Variants in PITPNM3 observed in about 807,000 individuals in gnomAD.
The protein encoded by PITPNM3 is PITPNM family member 3.
A neutral mutation model predicts 102.0 loss-of-function variants in PITPNM3; 26 were observed. The ratio of observed to expected loss-of-function variants is 0.25; its 90% CI spans 0.19 to 0.35. PITPNM3 has a LOEUF of 0.35. Among genes scored for constraint, PITPNM3 ranks in the 10% least tolerant of loss-of-function variants. PITPNM3 has a pLI of 1.00. For synonymous variants in PITPNM3, 578 were observed against 558.6 expected, an observed-to-expected ratio of 1.03 and a Z score of -0.49; for missense variants, 1,083 against 1,346.1, an observed-to-expected ratio of 0.80 and a Z score of 3.06.
intron 1 of PITPNM3, among the ~76,000 whole-genome samples, chr17:6,553,957 G>A (rs1370602969): frequency 6.6e-6 from 1 of 152,118 alleles, no homozygotes; most frequent in Non-Finnish European, 1.5e-5. Context: ...TTGCCAATGA[G>A]GAATATGTGA....
At chr17:6,456,588 T>C (rs1038084404) in intron 19 of PITPNM3, among the ~76,000 whole-genome samples, 11 of 152,132 alleles carry the variant, frequency 7.2e-5, no homozygotes, top group African/African-American at 2.4e-4. Context: ...AGAATATGCA[T>C]GTCAACAAGA....
intron 14 of PITPNM3, among the ~76,000 whole-genome samples, chr17:6,467,080 C>CAAAAAAAA (rs752960279): frequency 3.1e-4 from 19 of 60,990 alleles, no homozygotes; most frequent in East Asian, 1.1e-3. Flanking sequence ...AAAAAAAAAA[C>CAAAAAAAA]CAAAAAAAAA....
intron 1 of PITPNM3, among the ~76,000 whole-genome samples, chr17:6,551,862 T>C (rs1910326322): frequency 6.6e-6 from 1 of 152,086 alleles, no homozygotes; most frequent in Non-Finnish European, 1.5e-5. Flanking sequence ...AAGTCTCGCT[T>C]TGGGAGGATG....
At chr17:6,544,713 T>C (rs2150674004) in intron 1 of PITPNM3, among the ~76,000 whole-genome samples, 1 of 149,660 alleles carries the variant, frequency 6.7e-6, no homozygotes, top group Non-Finnish European at 1.5e-5. Flanking sequence ...AACAGCAGGT[T>C]CTACAAGCAC....
chr17:6,484,711 C>T (rs541668414), intron 4 of PITPNM3, among the ~76,000 whole-genome samples: 1 of 152,178 alleles, frequency 6.6e-6, no homozygotes, highest in African/African-American at 2.4e-5. Context: ...TACGCACCCA[C>T]TCTTGACTGG....
At chr17:6,529,608 T>A (rs1440749371) in intron 2 of PITPNM3, among the ~76,000 whole-genome samples, 1 of 144,236 alleles carries the variant, frequency 6.9e-6, no homozygotes, top group African/African-American at 2.6e-5. Context: ...AAAAAAAAAA[T>A]CTCCTTGTCT....
chr17:6,553,190 C>T (rs1910411143), intron 1 of PITPNM3, among the ~76,000 whole-genome samples: 1 of 152,132 alleles, frequency 6.6e-6, no homozygotes, highest in Non-Finnish European at 1.5e-5. Flanking sequence ...GAGCTCTGTA[C>T]TGTAAATTGT....
rs78170758 is a variant in PITPNM3, at chr17:6,552,375, G to A, written c.22+4010C>T. Among the ~76,000 whole-genome samples, 591 of 152,220 alleles carry A rather than the reference G, an allele frequency of 3.9e-3. 8 individuals are homozygous for A. The highest frequency in any genetic ancestry group is 0.014 in the African/African-American group (564 of 41,544). On this transcript the variant is annotated intron_variant, in intron 1 of 19. Coordinates refer to ENST00000262483, the MANE Select transcript of PITPNM3 (RefSeq NM_031220.4). ...CAGCCTGTTGGGGTGCAGAGGGAGG[G>A]GCACAGGGAGGTAGACAGGAAGGGA...
At chr17:6,542,547 A>C (rs535101417) in intron 1 of PITPNM3, among the ~76,000 whole-genome samples, 16 of 152,356 alleles carry the variant, frequency 1.1e-4, no homozygotes, top group African/African-American at 3.8e-4. Context: ...ATCTGGGTGC[A>C]GTGTTACCAG....
intron 2 of PITPNM3, among the ~76,000 whole-genome samples, chr17:6,532,692 C>A (rs1286630271): frequency 6.6e-6 from 1 of 152,124 alleles, no homozygotes; most frequent in Non-Finnish European, 1.5e-5. Flanking sequence ...AACTGTACCA[C>A]AATTTGTTCA....
At position 6,453,085 on chromosome 17, in the gene PITPNM3, T is replaced by TC. The variant is rs1567655146; in HGVS notation, c.*2252dup. ...CTTCCTCTCTCTGTCTTCCTTTCTT[T>TC]CCTCTGTCTTCCTTTCTTTCTCTCT... On this transcript the variant is annotated 3_prime_UTR_variant, in exon 20 of 20. Transcript: ENST00000262483. The TC allele has an allele frequency of 6.7e-6, 1 of 149,906 alleles. No homozygotes were observed. Among genetic ancestry groups the TC allele is most frequent in the African/African-American group, 2.5e-5 (1 of 40,660 alleles). 9.3% of individuals were successfully genotyped at this position (149,906 alleles called of 1,614,324 possible).
At chr17:6,504,017 C>G (rs925469060) in intron 3 of PITPNM3, among the ~76,000 whole-genome samples, 2 of 152,174 alleles carry the variant, frequency 1.3e-5, no homozygotes, top group African/African-American at 2.4e-5. Context: ...CCCACTGCCC[C>G]CCAGACGTCT....
At chr17:6,483,049 A>T (rs936717968) in intron 6 of PITPNM3, among the ~76,000 whole-genome samples, 1 of 151,076 alleles carries the variant, frequency 6.6e-6, no homozygotes, top group Non-Finnish European at 1.5e-5. Context: ...GGTTCATGCC[A>T]TTCTCCTGCC....
chr17:6,468,094 G>C lies in PITPNM3; in HGVS notation c.1890+131C>G, dbSNP rs1904873661. 12 of 875,102 alleles carry C rather than the reference G, an allele frequency of 1.4e-5. No homozygotes were observed. The South Asian group carries it at 1.6e-4, about 11-fold the overall frequency. The allele number at this position is 875,102 out of a possible 1,614,324, so 54.2% of individuals were successfully genotyped here. Reference sequence around the variant, plus strand: ...GGGCTCCATCTGAGTGTGAGCCCCAGCCTGTTTGGGTGCTGAGCTCTGAGG... The same window carrying C: ...GGGCTCCATCTGAGTGTGAGCCCCACCCTGTTTGGGTGCTGAGCTCTGAGG... On this transcript the variant is annotated intron_variant, in intron 14 of 19. Transcript: ENST00000262483. The surrounding 1 kb of genome is among the most constrained non-coding windows in gnomAD (Gnocchi z 5.2).
chr17:6,477,077 G>A lies in PITPNM3; in HGVS notation c.1037C>T (p.Ser346Phe). ...GGTGATGGCCTCGCAGTCATAGGTG[G>A]AGGAGTCGCTCTGTTTCCGCGGCAA... ...RPLPRKQSDS[S>F]TYDCEAITQH... Residue 346 changes from serine (S) to phenylalanine (F), a missense_variant, in exon 9 of 20, where the codon TCC (serine) becomes TTC (phenylalanine). Around this residue, in one of 5 missense-constraint regions of PITPNM3, gnomAD observed 172 missense variants for 175.6 expected, o/e 0.98. Transcript: ENST00000262483. The A allele has an allele frequency of 6.2e-7, 1 of 1,614,186 alleles. No homozygotes were observed. Among genetic ancestry groups the A allele is most frequent in the South Asian group, 1.1e-5 (1 of 91,072 alleles).
chr17:6,484,826 C>T (rs1905974379), intron 4 of PITPNM3, among the ~76,000 whole-genome samples: 1 of 152,162 alleles, frequency 6.6e-6, no homozygotes, highest in Non-Finnish European at 1.5e-5. Context: ...GCGATCTGCC[C>T]TCACCAAGGC....
chr17:6,492,978 G>A (rs1906586492), intron 4 of PITPNM3, among the ~76,000 whole-genome samples: 1 of 150,550 alleles, frequency 6.6e-6, no homozygotes, highest in Non-Finnish European at 1.5e-5. Context: ...GCCCAAACTT[G>A]TGTCAAGGCT....
chr17:6,503,446 G>A (rs1567679084), intron 4 of PITPNM3, 81 bp downstream of exon 4: 7 of 1,468,226 alleles, frequency 4.8e-6, no homozygotes, highest in Non-Finnish European at 6.6e-6. Flanking sequence ...GGCTCTGAGT[G>A]GATGAGAGGG....
intron 4 of PITPNM3, among the ~76,000 whole-genome samples, chr17:6,495,846 G>A (rs964584189): frequency 6.6e-6 from 1 of 152,208 alleles, no homozygotes. Flanking sequence ...ACAAAGGAAA[G>A]GGCGATTCTT....
Sources: allele counts gnomAD v4.1 joint callset (sites outside exome capture counted in the v4.1 genomes callset), GRCh38; gene constraint gnomAD v4.1.1; regional missense constraint gnomAD v4.1.1; non-coding constraint Gnocchi (gnomAD v3.1); transcripts MANE v1.5; gene names NCBI Gene and HGNC (gene_info 2026-07-23, HGNC 2026-07-21).